PLA2G4E: variants seen among roughly 807,000 people sequenced by gnomAD.
PLA2G4E encodes the protein cytosolic phospholipase A2 epsilon.
In PLA2G4E, 84 loss-of-function variants were observed where a neutral mutation model predicts 109.1. That is an observed-to-expected ratio of 0.77 (90% CI 0.65 to 0.92). The LOEUF is 0.92. PLA2G4E is among the 40% of genes least tolerant of loss of function. The pLI is 0.00. For synonymous variants in PLA2G4E, 469 were observed against 436.1 expected, an observed-to-expected ratio of 1.08 and a Z score of -0.94; for missense variants, 1,057 against 1,076.6, an observed-to-expected ratio of 0.98 and a Z score of 0.25.
chr15:42,029,801 A>G (rs1413378297), intron 1 of PLA2G4E, among the ~76,000 whole-genome samples: 1 of 152,254 alleles, frequency 6.6e-6, no homozygotes, highest in Non-Finnish European at 1.5e-5. Flanking sequence ...GACTTAGCAC[A>G]TGACGGGCAC....
intron 12 of PLA2G4E, 106 bp from the exon 13 acceptor site, chr15:41,993,065 G>A: frequency 2.1e-6 from 2 of 953,578 alleles, no homozygotes; most frequent in South Asian, 1.7e-5. Flanking sequence ...ACCCTAACCT[G>A]CCAGGAGGGG....
In PLA2G4E at chr15:42,050,529, C is replaced by T. The variant is rs1889488399; in HGVS notation, c.175G>A (p.Gly59Ser). 6.5e-7 allele frequency: 1 copy of T among 1,550,318 alleles called. No homozygotes were observed. Among genetic ancestry groups the T allele is most frequent in the Non-Finnish European group, 8.7e-7 (1 of 1,146,860 alleles). Residue 59 changes from glycine to serine, a missense_variant, in exon 1 of 20, where the codon GGC becomes AGC. Transcript: ENST00000399518. Reference sequence around the variant, plus strand: ...CAGGAACACAGACATACCTCAGAGCCCCAAGGAGCCATAGGACAGAAAGGT... The same window carrying T: ...CAGGAACACAGACATACCTCAGAGCTCCAAGGAGCCATAGGACAGAAAGGT...
chr15:42,036,375 A>C (rs772968536), intron 1 of PLA2G4E, among the ~76,000 whole-genome samples: 8 of 152,182 alleles, frequency 5.3e-5, no homozygotes, highest in Non-Finnish European at 1.0e-4. Flanking sequence ...TGGGAGCAGG[A>C]GCCCCAGGAG....
intron 1 of PLA2G4E, among the ~76,000 whole-genome samples, chr15:42,023,075 G>A (rs77550341): frequency 0.028 from 4,220 of 152,134 alleles, 200 homozygotes; most frequent in African/African-American, 0.095. Context: ...AGCAGGGCAC[G>A]CTTATGTATG....
intron 1 of PLA2G4E, among the ~76,000 whole-genome samples, chr15:42,046,343 C>T (rs1046923996): frequency 6.6e-6 from 1 of 152,222 alleles, no homozygotes; most frequent in Non-Finnish European, 1.5e-5. Context: ...CCATAAGGCC[C>T]GGACTTCACC....
At chr15:41,987,893 G>T (rs1207665864) in intron 16 of PLA2G4E, among the ~76,000 whole-genome samples, 156 bp downstream of exon 16, 3 of 146,048 alleles carry the variant, frequency 2.1e-5, no homozygotes, top group African/African-American at 7.5e-5. Context: ...AAAGCCGGGG[G>T]CCGCCCCCCA....
At chr15:42,030,961 AT>A (rs1889101355) in intron 1 of PLA2G4E, among the ~76,000 whole-genome samples, 1 of 151,948 alleles carries the variant, frequency 6.6e-6, no homozygotes, top group Non-Finnish European at 1.5e-5. Context: ...GAAGGGCAAA[AT>A]TTTTTCTTTT....
chr15:42,049,721 G>A (rs549533498), intron 1 of PLA2G4E, among the ~76,000 whole-genome samples: 2 of 152,230 alleles, frequency 1.3e-5, no homozygotes, highest in African/African-American at 4.8e-5. Context: ...GCCAGGCCTC[G>A]GCTGGCAGGA....
intron 1 of PLA2G4E, among the ~76,000 whole-genome samples, chr15:42,045,357 T>G (rs1358358254): frequency 6.6e-6 from 1 of 150,936 alleles, no homozygotes; most frequent in Non-Finnish European, 1.5e-5. Context: ...GAGGATGGGG[T>G]GGGGTGGGGC....
At chr15:41,983,745 C>T in exon 20 of PLA2G4E, 2 of 1,574,586 alleles carry the variant, frequency 1.3e-6, no homozygotes, top group Non-Finnish European at 1.7e-6. Flanking sequence ...AGGGGAGGCT[C>T]CCTGGGGCCT....
chr15:42,006,873 G>A (rs2068482651), intron 3 of PLA2G4E, among the ~76,000 whole-genome samples: 1 of 152,118 alleles, frequency 6.6e-6, no homozygotes, highest in Non-Finnish European at 1.5e-5. Flanking sequence ...AGAAACACAG[G>A]TATGTCCCAG....
chr15:42,041,270 C>T (rs1889311220), intron 1 of PLA2G4E, among the ~76,000 whole-genome samples: 2 of 151,990 alleles, frequency 1.3e-5, no homozygotes, highest in Non-Finnish European at 1.5e-5. Flanking sequence ...TGTTATTTGC[C>T]TGTTTGGTTT....
intron 1 of PLA2G4E, among the ~76,000 whole-genome samples, chr15:42,017,789 C>T (rs1429887874): frequency 6.6e-6 from 1 of 152,206 alleles, no homozygotes; most frequent in Non-Finnish European, 1.5e-5. Context: ...ATGGCCTGCA[C>T]TCTTACTGGC....
chr15:42,009,677 T>C (rs529476746), intron 2 of PLA2G4E, among the ~76,000 whole-genome samples: 3 of 152,110 alleles, frequency 2.0e-5, no homozygotes, highest in Non-Finnish European at 4.4e-5. Flanking sequence ...TTCACACACA[T>C]TTACACACAT....
exon 13 of PLA2G4E, chr15:41,992,915 T>C (rs1189015098): frequency 4.3e-6 from 7 of 1,613,644 alleles, no homozygotes; most frequent in Non-Finnish European, 5.1e-6. Flanking sequence ...AGGCTCCAAG[T>C]TTTTGGAGGA....
At position 42,046,809 on chromosome 15, in the gene PLA2G4E, C is replaced by T. The variant is rs550027757; in HGVS notation, c.183+3712G>A. ...CTTCTTGAGGGAGTGTGACAAGCCA[C>T]ATGAGAAGTTATCTAAGAACACAGG... is the stretch of plus-strand genomic sequence containing the variant. On this transcript the variant is annotated intron_variant, in intron 1 of 19. Coordinates refer to ENST00000399518, the Ensembl canonical transcript of PLA2G4E. Among the ~76,000 whole-genome samples the T allele has an allele frequency of 1.1e-3, 167 of 152,312 alleles. 1 individual carries two copies. Among genetic ancestry groups the T allele is most frequent in the Non-Finnish European group, 2.1e-3 (140 of 68,038 alleles).
chr15:42,011,085 T>TC (rs2068531111), intron 2 of PLA2G4E, among the ~76,000 whole-genome samples: 1 of 152,020 alleles, frequency 6.6e-6, no homozygotes, highest in African/African-American at 2.4e-5. Context: ...ATGACTGGGG[T>TC]TGGCACCCCG....
Position 42,006,133 on chromosome 15 carries a change from G to A in PLA2G4E, c.394-12C>T, listed in dbSNP as rs369955859. 1.6e-5 allele frequency: 26 copies of A among 1,613,186 alleles called. No homozygotes were observed. Among genetic ancestry groups the A allele is most frequent in the Admixed American group, 6.7e-5 (4 of 59,972 alleles). On this transcript the variant is annotated splice_polypyrimidine_tract_variant and intron_variant, in intron 3 of 19. Transcript: ENST00000399518. ...AACTCTAGCACGTTCTAGGGGAGAA[G>A]GAAGGATGCCAGTCTGGTTACCACG...
At chr15:42,002,565 G>A in intron 6 of PLA2G4E, 89 bp downstream of exon 6, 3 of 1,389,906 alleles carry the variant, frequency 2.2e-6, no homozygotes, top group East Asian at 5.0e-5. Context: ...ACCAAGCTGG[G>A]CCCACTGTTT....
Sources: allele counts gnomAD v4.1 joint callset (sites outside exome capture counted in the v4.1 genomes callset), GRCh38; gene constraint gnomAD v4.1.1; transcripts MANE v1.5; gene names NCBI Gene and HGNC (gene_info 2026-07-23, HGNC 2026-07-21).